SLC5A8: variants seen among roughly 807,000 people sequenced by gnomAD.
The protein encoded by SLC5A8 is sodium-coupled monocarboxylate transporter 1.
In SLC5A8, 55 loss-of-function variants were observed where a neutral mutation model predicts 71.9. The observed-to-expected ratio is 0.77, with a 90% CI of 0.62 to 0.96. The LOEUF (loss-of-function observed/expected upper bound fraction) is 0.96. SLC5A8 is among the 40% of genes least tolerant of loss of function. The pLI is 0.00. For synonymous variants in SLC5A8, 307 were observed against 276.1 expected (o/e 1.11, Z -1.11); for missense variants, 701 against 745.3 (o/e 0.94, Z 0.69).
chr12:101,177,539 A>C (rs2051892261), intron 10 of SLC5A8, among the ~76,000 whole-genome samples: 1 of 151,906 alleles, frequency 6.6e-6, no homozygotes, highest in Admixed American at 6.6e-5. Flanking sequence ...TAGATGTAAA[A>C]ATTCTTAATA....
At chr12:101,191,241 A>G (rs769075436) in intron 5 of SLC5A8, among the ~76,000 whole-genome samples, 1 of 152,226 alleles carries the variant, frequency 6.6e-6, no homozygotes, top group South Asian at 2.1e-4. Flanking sequence ...AGTCCAAAAC[A>G]TTGTCACAGG....
rs1186614731 is a variant in SLC5A8 at position 101,156,917 on chromosome 12, C to G, written c.*362G>C. On this transcript the variant is annotated 3_prime_UTR_variant, in exon 15 of 15. Coordinates refer to ENST00000536262, the MANE Select transcript of SLC5A8 (RefSeq NM_145913.5). The stretch of plus-strand genomic sequence containing the variant: ...AACTTCCAAACTTATATGCTAGCAC[C>G]AAGGCATGGAAAATATTTTCAATAA... The G allele has an allele frequency of 5.8e-6, 1 of 172,666 alleles. No homozygotes were observed. The highest frequency in any genetic ancestry group is 2.4e-5 in the African/African-American group (1 of 42,100). The allele number at this position is 172,666 out of a possible 1,614,324, so 10.7% of individuals were successfully genotyped here.
intron 5 of SLC5A8, among the ~76,000 whole-genome samples, chr12:101,191,550 CAA>C (rs1277926738): frequency 2.0e-5 from 3 of 152,072 alleles, no homozygotes; most frequent in Non-Finnish European, 2.9e-5. Flanking sequence ...CCTTTCTCCC[CAA>C]GAGAGAGAAG....
At chr12:101,186,017 G>A (rs112464740) in intron 7 of SLC5A8, among the ~76,000 whole-genome samples, 1,615 of 151,320 alleles carry the variant, frequency 0.011, 15 homozygotes, top group South Asian at 0.022. Context: ...CTCTCTAAGC[G>A]TATGCAAGCA....
In SLC5A8 at chr12:101,155,877, G is replaced by A. The variant is rs116561117; in HGVS notation, c.*1402C>T. ...CAGGGCATGATTACCTAAATAACAC[G>A]TATCAGAAAATAAGCATAAAATTAT... On this transcript the variant is annotated 3_prime_UTR_variant, in exon 15 of 15. Coordinates refer to ENST00000536262, the MANE Select transcript of SLC5A8 (RefSeq NM_145913.5). 1.3e-3 allele frequency: 194 copies of A among 150,390 alleles called. 1 individual carries two copies. The highest frequency in any genetic ancestry group is 4.2e-3 in the African/African-American group (170 of 40,870). The allele number at this position is 150,390 out of a possible 1,614,324, so 9.3% of individuals were successfully genotyped here.
chr12:101,207,758 C>T (rs979048294), intron 1 of SLC5A8, among the ~76,000 whole-genome samples: 4 of 152,138 alleles, frequency 2.6e-5, no homozygotes, highest in African/African-American at 7.2e-5. Flanking sequence ...CAGGTGTTCA[C>T]ATATTAACAT....
chr12:101,199,705 A>T (rs1030668066), intron 3 of SLC5A8, among the ~76,000 whole-genome samples: 2 of 151,958 alleles, frequency 1.3e-5, no homozygotes, highest in Admixed American at 6.6e-5. Flanking sequence ...TGCGTAGTGG[A>T]CATGGAAAAC....
At position 101,190,551 on chromosome 12, in the gene SLC5A8, G is replaced by A. The variant is rs771434274; in HGVS notation, c.750C>T (p.Thr250=). 9 of 1,612,996 alleles carry A rather than the reference G, an allele frequency of 5.6e-6. No individual in the cohort carries two copies. Among genetic ancestry groups the A allele is most frequent in the East Asian group, 2.2e-5 (1 of 44,772 alleles). ...HTFWTIIIGG[T]FTWTSIYGVN... ...CACCGTAGATGCTGGTCCATGTGAA[G>A]GTCCCTCCTATAATAATTGTCCAGA... Residue 250 remains threonine (T), a synonymous_variant, in exon 6 of 15, where the codon ACC becomes ACT. Coordinates refer to ENST00000536262, the MANE Select transcript of SLC5A8 (RefSeq NM_145913.5).
At chr12:101,173,468 C>A (rs964029062) in intron 10 of SLC5A8, among the ~76,000 whole-genome samples, 1 of 152,178 alleles carries the variant, frequency 6.6e-6, no homozygotes, top group African/African-American at 2.4e-5. Flanking sequence ...CCAGCACACC[C>A]AGGATCATCA....
chr12:101,190,060 T>C (rs1160069663), intron 6 of SLC5A8, among the ~76,000 whole-genome samples: 3 of 152,204 alleles, frequency 2.0e-5, no homozygotes, highest in Admixed American at 1.3e-4. Flanking sequence ...TAAAGCACTA[T>C]ATGTACTCTG....
Position 101,210,123 on chromosome 12 carries a change from G to A in SLC5A8, c.-275C>T, listed in dbSNP as rs529301557. 2.4e-4 allele frequency: 99 copies of A among 419,746 alleles called. No individual in the cohort carries two copies. In the South Asian group the frequency reaches 6.9e-3, roughly 29 times the overall value. 26.0% of individuals were successfully genotyped at this position (419,746 alleles called of 1,614,324 possible). On this transcript the variant is annotated 5_prime_UTR_variant, in exon 1 of 15. Coordinates refer to ENST00000536262, the MANE Select transcript of SLC5A8 (RefSeq NM_145913.5). ...GCTGCCCTGAGTGCTCACCACGTGA[G>A]GAACTGGAGTGGCCGAGTTCGCCAA... is the stretch of plus-strand genomic sequence containing the variant.
chr12:101,171,414 G>A (rs914137776), intron 10 of SLC5A8, among the ~76,000 whole-genome samples: 1 of 152,124 alleles, frequency 6.6e-6, no homozygotes, highest in Non-Finnish European at 1.5e-5. Flanking sequence ...CTCCACCCCT[G>A]ACCCTGAGGG....
chr12:101,165,371 A>T (rs1480868699), intron 12 of SLC5A8, among the ~76,000 whole-genome samples: 1 of 152,210 alleles, frequency 6.6e-6, no homozygotes, highest in Non-Finnish European at 1.5e-5. Flanking sequence ...AACAAGAAGA[A>T]CATCCTGTGT....
chr12:101,157,790 TAGAC>T (rs1392568817), intron 14 of SLC5A8, among the ~76,000 whole-genome samples: 4 of 152,056 alleles, frequency 2.6e-5, no homozygotes, highest in African/African-American at 9.6e-5. Flanking sequence ...TATCAGAGGA[TAGAC>T]AGATATAGAG....
intron 3 of SLC5A8, among the ~76,000 whole-genome samples, chr12:101,196,002 CT>C (rs1257974535): frequency 6.6e-6 from 1 of 152,058 alleles, no homozygotes; most frequent in Non-Finnish European, 1.5e-5. Context: ...GCCGGTAATG[CT>C]TTTTAAAAAA....
intron 4 of SLC5A8, among the ~76,000 whole-genome samples, 194 bp from the exon 5 acceptor site, chr12:101,193,973 G>A (rs548818082): frequency 1.3e-3 from 193 of 152,274 alleles, no homozygotes; most frequent in African/African-American, 4.5e-3. Context: ...AACATAAGCA[G>A]AGGCAAAGAT....
intron 10 of SLC5A8, among the ~76,000 whole-genome samples, chr12:101,171,320 A>G (rs2051827923): frequency 6.6e-6 from 1 of 152,190 alleles, no homozygotes; most frequent in African/African-American, 2.4e-5. Flanking sequence ...AGTTTGACAG[A>G]TAGGACTGAC....
chr12:101,158,966 A>AAT (rs1235740522), intron 13 of SLC5A8, among the ~76,000 whole-genome samples: 1 of 151,758 alleles, frequency 6.6e-6, no homozygotes, highest in African/African-American at 2.4e-5. Context: ...AAAAAAAAAA[A>AAT]AATTCTATTT....
intron 10 of SLC5A8, among the ~76,000 whole-genome samples, chr12:101,173,910 A>T (rs1054380431): frequency 2.0e-5 from 3 of 152,146 alleles, no homozygotes; most frequent in Admixed American, 1.3e-4. Flanking sequence ...AAGCCGGGGC[A>T]TCCTCCACCT....
Sources: gnomAD v4.1 joint callset for allele counts (sites outside exome capture counted in the v4.1 genomes callset) on GRCh38, gnomAD v4.1.1 for gene constraint, MANE v1.5 for transcripts, NCBI Gene and HGNC (gene_info 2026-07-23, HGNC 2026-07-21) for gene names.